SRBD1: variants seen among roughly 807,000 people sequenced by gnomAD.
SRBD1 encodes S1 RNA-binding domain-containing protein 1.
A neutral mutation model predicts 115.3 loss-of-function variants in SRBD1; 88 were observed. The observed-to-expected ratio is 0.76, with a 90% CI of 0.64 to 0.91. The LOEUF is 0.91. Among genes scored for constraint, SRBD1 ranks in the 40% least tolerant of loss-of-function variants. The pLI, the probability that SRBD1 is intolerant of heterozygous loss-of-function variation, is 0.00. For missense variants in SRBD1, 1,385 were observed against 1,177.4 expected (o/e 1.18, Z -2.58); for synonymous variants, 509 against 407.7 (o/e 1.25, Z -2.99).
intron 10 of SRBD1, among the ~76,000 whole-genome samples, chr2:45,561,166 C>T (rs1318229144): frequency 1.3e-5 from 2 of 152,072 alleles, no homozygotes; most frequent in African/African-American, 4.8e-5. Context: ...TATAAAGACA[C>T]TTATTTGCCA....
intron 4 of SRBD1, among the ~76,000 whole-genome samples, chr2:45,588,898 A>T (rs946170089): frequency 2.0e-5 from 3 of 152,182 alleles, no homozygotes; most frequent in Non-Finnish European, 4.4e-5. Context: ...TATTGCTTAA[A>T]CTAGTTTGAG....
At chr2:45,462,558 G>C (rs1313241062) in intron 16 of SRBD1, among the ~76,000 whole-genome samples, 1 of 151,178 alleles carries the variant, frequency 6.6e-6, no homozygotes, top group East Asian at 1.9e-4. Flanking sequence ...CCCTGCTCTA[G>C]ATTATTAAAG....
At chr2:45,605,465 C>G in intron 1 of SRBD1, 24 bp from the exon 2 acceptor site, 1 of 1,597,672 alleles carries the variant, frequency 6.3e-7, no homozygotes. Context: ...AAAATAAAAT[C>G]AGCAACACTT....
intron 20 of SRBD1, 121 bp downstream of exon 20, chr2:45,392,824 C>G: frequency 1.0e-6 from 1 of 954,484 alleles, no homozygotes; most frequent in Admixed American, 2.7e-5. Context: ...TTATTTTTCT[C>G]ATGTATAAAA....
intron 19 of SRBD1, among the ~76,000 whole-genome samples, chr2:45,397,306 C>T (rs1667174016): frequency 6.6e-6 from 1 of 152,082 alleles, no homozygotes; most frequent in African/African-American, 2.4e-5. Context: ...TCTATATTTT[C>T]TCTCTATATA....
intron 16 of SRBD1, among the ~76,000 whole-genome samples, chr2:45,468,476 C>G (rs1042629362): frequency 3.3e-5 from 5 of 150,816 alleles, no homozygotes; most frequent in African/African-American, 1.2e-4. Flanking sequence ...CAGCCTTTAT[C>G]TTCCGGGCCC....
intron 1 of SRBD1, among the ~76,000 whole-genome samples, chr2:45,609,763 T>C (rs1412592099): frequency 6.6e-6 from 1 of 152,174 alleles, no homozygotes; most frequent in African/African-American, 2.4e-5. Context: ...GTTTCTCAAT[T>C]ATATTTTAAA....
intron 5 of SRBD1, among the ~76,000 whole-genome samples, chr2:45,582,164 T>A (rs1186510184): frequency 1.3e-5 from 2 of 152,182 alleles, no homozygotes; most frequent in African/African-American, 2.4e-5. Flanking sequence ...AACTACAGTC[T>A]CCTTCAAGCT....
chr2:45,515,607 T>C (rs1041613156), intron 14 of SRBD1, among the ~76,000 whole-genome samples: 10 of 152,148 alleles, frequency 6.6e-5, no homozygotes, highest in African/African-American at 2.2e-4. Context: ...GCTCCTTGAC[T>C]TGGCACTATA....
intron 1 of SRBD1, among the ~76,000 whole-genome samples, chr2:45,609,035 G>C (rs1674361963): frequency 1.3e-5 from 2 of 152,040 alleles, no homozygotes; most frequent in Non-Finnish European, 2.9e-5. Context: ...TCGAACTCCT[G>C]GCCTCAGGTG....
At position 45,605,014 on chromosome 2, in the gene SRBD1, C is replaced by A. The variant is rs571320052; in HGVS notation, c.80+348G>T. Among the ~76,000 whole-genome samples the A allele has an allele frequency of 5.9e-5, 9 of 152,270 alleles. No individual in the cohort carries two copies. In the South Asian group the frequency reaches 1.9e-3, roughly 32 times the overall value. Reference sequence around the variant, plus strand: ...AAAAATCCTACAAGAAAAAAGATAGCCCCCACAACAAAGAATTGTCTTGCA... The same window carrying A: ...AAAAATCCTACAAGAAAAAAGATAGACCCCACAACAAAGAATTGTCTTGCA... On this transcript the variant is annotated intron_variant, in intron 2 of 20. Coordinates refer to ENST00000263736, the MANE Select transcript of SRBD1 (RefSeq NM_018079.5).
chr2:45,403,052 T>A (rs1667333762), intron 19 of SRBD1, among the ~76,000 whole-genome samples: 1 of 152,126 alleles, frequency 6.6e-6, no homozygotes, highest in South Asian at 2.1e-4. Flanking sequence ...ACATGACAGT[T>A]TCTGGATGAT....
At chr2:45,541,063 C>T (rs1052384833) in intron 14 of SRBD1, among the ~76,000 whole-genome samples, 1 of 152,220 alleles carries the variant, frequency 6.6e-6, no homozygotes, top group Admixed American at 6.5e-5. Flanking sequence ...TGGCCCAGAT[C>T]TCACCCTGCC....
intron 16 of SRBD1, among the ~76,000 whole-genome samples, chr2:45,430,526 A>C (rs1668299569): frequency 6.6e-6 from 1 of 152,218 alleles, no homozygotes; most frequent in African/African-American, 2.4e-5. Context: ...CAAATCTGAC[A>C]AAAACAAGCA....
Position 45,411,259 on chromosome 2 carries a change from G to A in SRBD1, c.2513+1855C>T, listed in dbSNP as rs1041303141. The stretch of plus-strand genomic sequence containing the variant: ...ATCCCTACATATTTTGGTGACCAGA[G>A]GCCACGAAAGTGTTCTATGTTGTAC... On this transcript the variant is annotated intron_variant, in intron 19 of 20. Coordinates refer to ENST00000263736, the MANE Select transcript of SRBD1 (RefSeq NM_018079.5). 3.3e-5 allele frequency among the ~76,000 whole-genome samples: 5 copies of A among 152,172 alleles called. No individual in the cohort carries two copies. The East Asian group carries it at 7.7e-4, about 23-fold the overall frequency.
At chr2:45,520,122 TAAA>T (rs1671237419) in intron 14 of SRBD1, among the ~76,000 whole-genome samples, 1 of 152,108 alleles carries the variant, frequency 6.6e-6, no homozygotes, top group African/African-American at 2.4e-5. Flanking sequence ...TAATACTACT[TAAA>T]AAGACAGATG....
chr2:45,426,403 A>G (rs919098111), intron 16 of SRBD1, among the ~76,000 whole-genome samples: 1 of 152,236 alleles, frequency 6.6e-6, no homozygotes, highest in Non-Finnish European at 1.5e-5. Context: ...ACCTGGCGGA[A>G]GGCGTGGCTG....
chr2:45,398,157 G>A (rs990317782), intron 19 of SRBD1, among the ~76,000 whole-genome samples: 2 of 152,020 alleles, frequency 1.3e-5, no homozygotes, highest in African/African-American at 2.4e-5. Context: ...AGCTGAGACC[G>A]TTTTTTTACA....
chr2:45,479,171 C>T (rs1351277818), intron 15 of SRBD1, among the ~76,000 whole-genome samples: 2 of 152,138 alleles, frequency 1.3e-5, no homozygotes, highest in Non-Finnish European at 2.9e-5. Flanking sequence ...CCTCCCTCTC[C>T]TGGGGCCTCC....
Sources: allele counts gnomAD v4.1 joint callset (sites outside exome capture counted in the v4.1 genomes callset), GRCh38; gene constraint gnomAD v4.1.1; transcripts MANE v1.5; gene names NCBI Gene and HGNC (gene_info 2026-07-23, HGNC 2026-07-21).